Variants in CASD1 observed in about 807,000 individuals in gnomAD.
The protein encoded by CASD1 is N-acetylneuraminate (7)9-O-acetyltransferase.
Under a neutral mutation model 100.0 loss-of-function variants are expected in CASD1, and 41 were observed. That is an observed-to-expected ratio of 0.41 (90% CI 0.32 to 0.53). The LOEUF is 0.53. Ranked by LOEUF, CASD1 falls within the 20% of genes least tolerant of loss-of-function variation. CASD1 has a pLI of 0.25. For synonymous variants in CASD1, 321 were observed against 315.6 expected (o/e 1.02, Z -0.18); for missense variants, 774 against 948.7 (o/e 0.82, Z 2.42).
At chr7:94,582,629 T>C in the CASD1 span, among the ~76,000 whole-genome samples, 1 of 152,212 alleles carries the variant, frequency 6.6e-6, no homozygotes, top group Non-Finnish European at 1.5e-5. Flanking sequence ...ATAGTTTCTT[T>C]TCATCTTAGC....
At chr7:94,629,549 CT>C in the CASD1 span, 1 of 643,104 alleles carries the variant, frequency 1.6e-6, no homozygotes, top group Non-Finnish European at 2.7e-6. Flanking sequence ...TTATTTTTGT[CT>C]GTAATTAAAT....
chr7:94,583,190 G>A, the CASD1 span, among the ~76,000 whole-genome samples: 2 of 152,088 alleles, frequency 1.3e-5, no homozygotes, highest in Non-Finnish European at 2.9e-5. Flanking sequence ...AGCCTTAATA[G>A]CTTTACTTAG....
intron 5 of CASD1, among the ~76,000 whole-genome samples, chr7:94,529,936 A>G (rs936748532): frequency 6.6e-6 from 1 of 152,206 alleles, no homozygotes; most frequent in Admixed American, 6.6e-5. Flanking sequence ...CTATAGGCAT[A>G]AAAGCAAATT....
At chr7:94,543,092 TAAAC>T (rs1795495192) in intron 10 of CASD1, among the ~76,000 whole-genome samples, 1 of 152,088 alleles carries the variant, frequency 6.6e-6, no homozygotes, top group African/African-American at 2.4e-5. Context: ...AGGGCAAGAA[TAAAC>T]AGGTAAATAA....
downstream of CASD1, among the ~76,000 whole-genome samples, chr7:94,558,271 C>T (rs116712766): frequency 4.4e-3 from 676 of 152,190 alleles, 6 homozygotes; most frequent in South Asian, 0.015. Context: ...AACCTTAAAA[C>T]GGGAATGCAT....
the CASD1 span, among the ~76,000 whole-genome samples, chr7:94,582,723 A>G: frequency 6.6e-6 from 1 of 152,218 alleles, no homozygotes; most frequent in Admixed American, 6.5e-5. Flanking sequence ...CTGCTGTGAT[A>G]AACTTTTATA....
the CASD1 span, among the ~76,000 whole-genome samples, chr7:94,570,640 G>A: frequency 1.1e-4 from 17 of 151,940 alleles, no homozygotes; most frequent in South Asian, 2.1e-4. Context: ...GACTACAGAC[G>A]TGCACCACCA....
chr7:94,616,887 A>G, the CASD1 span: 2 of 152,192 alleles, frequency 1.3e-5, no homozygotes, highest in Admixed American at 1.3e-4. Context: ...AATATTTTGT[A>G]AAGGTTAAGG....
the CASD1 span, among the ~76,000 whole-genome samples, chr7:94,632,428 G>A: frequency 6.6e-6 from 1 of 152,072 alleles, no homozygotes; most frequent in Non-Finnish European, 1.5e-5. Context: ...AAGATGACAA[G>A]CACATTTCTT....
chr7:94,631,953 T>C, the CASD1 span, among the ~76,000 whole-genome samples: 2 of 152,050 alleles, frequency 1.3e-5, no homozygotes, highest in African/African-American at 4.8e-5. Context: ...ACCTTGCTAT[T>C]TTCTCGGCAG....
At chr7:94,580,100 T>C in the CASD1 span, among the ~76,000 whole-genome samples, 1 of 152,202 alleles carries the variant, frequency 6.6e-6, no homozygotes, top group African/African-American at 2.4e-5. Flanking sequence ...TCTCCAATTA[T>C]ATCTACAACA....
intron 3 of CASD1, among the ~76,000 whole-genome samples, chr7:94,525,299 C>G (rs1276563562): frequency 6.6e-6 from 1 of 152,044 alleles, no homozygotes; most frequent in African/African-American, 2.4e-5. Context: ...TTTAAAGATG[C>G]ATATTTATGT....
chr7:94,583,914 C>T, the CASD1 span, among the ~76,000 whole-genome samples: 2 of 152,102 alleles, frequency 1.3e-5, no homozygotes, highest in South Asian at 4.1e-4. Flanking sequence ...ATTAGGGTAG[C>T]ATCAACCAAG....
chr7:94,605,787 C>A, the CASD1 span, among the ~76,000 whole-genome samples: 20,452 of 152,018 alleles, frequency 0.13, 1,545 homozygotes, highest in South Asian at 0.25. Context: ...ACAAAGGCAA[C>A]AAACAGAAAA....
intron 4 of CASD1, 119 bp downstream of exon 4, chr7:94,527,325 T>C (rs1488259577): frequency 1.4e-6 from 1 of 728,440 alleles, no homozygotes; most frequent in Non-Finnish European, 2.3e-6. Flanking sequence ...ATTAGGATAG[T>C]GGAATAAAAG....
the CASD1 span, chr7:94,625,378 C>T: frequency 2.0e-5 from 3 of 151,582 alleles, no homozygotes; most frequent in Non-Finnish European, 4.4e-5. Flanking sequence ...TATCTTTTTA[C>T]TATATTTTTA....
chr7:94,523,831 T>C (rs746988212), intron 3 of CASD1, among the ~76,000 whole-genome samples: 6 of 152,136 alleles, frequency 3.9e-5, no homozygotes, highest in Non-Finnish European at 7.4e-5. Context: ...TAAAACAGTG[T>C]GGTATTGGTA....
intron 1 of CASD1, among the ~76,000 whole-genome samples, chr7:94,514,472 G>T (rs1229904135): frequency 1.3e-5 from 2 of 152,022 alleles, no homozygotes; most frequent in African/African-American, 2.4e-5. Flanking sequence ...AGGATAATTC[G>T]GTCTAAATTT....
chr7:94,553,137 T>C lies in CASD1; in HGVS notation c.2034+710T>C, dbSNP rs761815139. On this transcript the variant is annotated intron_variant, in intron 16 of 17. Coordinates refer to ENST00000297273, the MANE Select transcript of CASD1 (RefSeq NM_022900.5). The stretch of plus-strand genomic sequence containing the variant: ...AGCCTTTGTTTAGGTCTCACATTCA[T>C]GATTTTCACCACTCTGTATATCACT... 3 of 481,344 alleles carry C rather than the reference T, an allele frequency of 6.2e-6. No homozygotes were observed. The East Asian group carries it at 1.7e-4, about 27-fold the overall frequency. The allele number at this position is 481,344 out of a possible 1,614,324, so 29.8% of individuals were successfully genotyped here.
Sources: gnomAD v4.1 joint callset for allele counts (sites outside exome capture counted in the v4.1 genomes callset) on GRCh38, gnomAD v4.1.1 for gene constraint, MANE v1.5 for transcripts, NCBI Gene and HGNC (gene_info 2026-07-23, HGNC 2026-07-21) for gene names.